The following ARHGAP22 variants were observed in gnomAD, a reference collection of about 807,000 sequenced individuals.
ARHGAP22 encodes the protein rho GTPase-activating protein 22.
Under a neutral mutation model 59.1 loss-of-function variants are expected in ARHGAP22, and 48 were observed. The ratio of observed to expected loss-of-function variants is 0.81; its 90% CI spans 0.64 to 1.03. The LOEUF (loss-of-function observed/expected upper bound fraction) is 1.03, where lower values mean the gene tolerates loss of function less well. Ranked by LOEUF, ARHGAP22 falls within the 50% of genes least tolerant of loss-of-function variation. The pLI is 0.00. For missense variants in ARHGAP22, 1,015 were observed against 958.7 expected (o/e 1.06, Z -0.78); for synonymous variants, 445 against 416.4 (o/e 1.07, Z -0.84).
rs769573589 is a variant in ARHGAP22, at chr10:48,640,479, G to T, written c.52+11755C>A. Reference sequence around the variant, plus strand: ...AAGAGAAAATCTTGAAGTAGCAAAAGAAAAATGTCTTGTCACATGAAAGGG... The same window carrying T: ...AAGAGAAAATCTTGAAGTAGCAAAATAAAAATGTCTTGTCACATGAAAGGG... On this transcript the variant is annotated intron_variant, in intron 1 of 9. Transcript: ENST00000435790. 5.3e-5 allele frequency among the ~76,000 whole-genome samples: 8 copies of T among 152,204 alleles called. No homozygotes were observed. In the East Asian group the frequency reaches 1.5e-3, roughly 29 times the overall value.
At chr10:48,554,398 A>G (rs555509754) in intron 3 of ARHGAP22, among the ~76,000 whole-genome samples, 1 of 152,312 alleles carries the variant, frequency 6.6e-6, no homozygotes, top group South Asian at 2.1e-4. Flanking sequence ...GACCAATCAT[A>G]GATTTACTGG....
chr10:48,643,837 A>C (rs1416777327), intron 1 of ARHGAP22, among the ~76,000 whole-genome samples: 1 of 151,874 alleles, frequency 6.6e-6, no homozygotes, highest in Non-Finnish European at 1.5e-5. Context: ...ATATATGATA[A>C]AATAGACATT....
intron 2 of ARHGAP22, 43 bp downstream of exon 2, chr10:48,582,910 C>A (rs1265145032): frequency 3.7e-6 from 6 of 1,604,032 alleles, no homozygotes; most frequent in Non-Finnish European, 4.3e-6. Context: ...TCTTGTGGAG[C>A]CCTGCCACGA....
intron 1 of ARHGAP22, among the ~76,000 whole-genome samples, chr10:48,628,364 G>C (rs1480714546): frequency 6.6e-6 from 1 of 152,246 alleles, no homozygotes; most frequent in Non-Finnish European, 1.5e-5. Flanking sequence ...AAGATGTCTT[G>C]ATAATTCTTA....
At chr10:48,498,990 C>T (rs1357804988) in intron 3 of ARHGAP22, among the ~76,000 whole-genome samples, 1 of 152,018 alleles carries the variant, frequency 6.6e-6, no homozygotes, top group African/African-American at 2.4e-5. Context: ...AAGGACTCCA[C>T]CAAGAGACCC....
At chr10:48,546,742 G>A (rs1296702792) in intron 3 of ARHGAP22, 2 of 153,206 alleles carry the variant, frequency 1.3e-5, no homozygotes, top group African/African-American at 2.4e-5. Flanking sequence ...AAGTGTCTCA[G>A]TCAGGGACAC....
chr10:48,562,791 A>G (rs1400154653), intron 2 of ARHGAP22, among the ~76,000 whole-genome samples: 2 of 152,238 alleles, frequency 1.3e-5, no homozygotes, highest in Non-Finnish European at 2.9e-5. Flanking sequence ...ATTGTATGTC[A>G]ATTATACCTC....
chr10:48,479,740 A>C lies in ARHGAP22; in HGVS notation c.347T>G (p.Val116Gly). 6.3e-7 allele frequency: 1 copy of C among 1,597,280 alleles called. No homozygotes were observed. Among genetic ancestry groups the C allele is most frequent in the Non-Finnish European group, 8.5e-7 (1 of 1,170,362 alleles). ...SPGGAGEREKVPANPEALLLM... is the reference protein window; with the variant it reads ...SPGGAGEREKGPANPEALLLM... ...CAGGAGCGCCTCGGGGTTGGCCGGC[A>C]CCTTCTCCCGCTCCCCGGCACCACC... Residue 116 changes from valine (V) to glycine (G), a missense_variant, in exon 4 of 10, where the codon GTG becomes GGG. Physicochemically the swap from Val to Gly is moderately radical, Grantham distance 109. Coordinates refer to ENST00000249601, the MANE Select transcript of ARHGAP22 (RefSeq NM_021226.4).
rs1454199009 is a variant in ARHGAP22, at chr10:48,625,058, GAGACC to G, written c.52+27171_52+27175del. 2.0e-5 allele frequency: 3 copies of G among 151,766 alleles called. No homozygotes were observed. In the East Asian group the frequency reaches 5.8e-4, roughly 30 times the overall value. 9.4% of individuals were successfully genotyped at this position (151,766 alleles called of 1,614,324 possible). On this transcript the variant is annotated intron_variant, in intron 1 of 9. Coordinates refer to the ARHGAP22 transcript ENST00000435790. The stretch of plus-strand genomic sequence containing the variant: ...GCAGTACTTAGATTTTGGGGCCCAA[GAGACC>G]TGAGTGTAAATCCTTCACTGCCAGT...
At chr10:48,517,607 T>G (rs1198438153) in intron 3 of ARHGAP22, among the ~76,000 whole-genome samples, 1 of 152,120 alleles carries the variant, frequency 6.6e-6, no homozygotes, top group African/African-American at 2.4e-5. Context: ...TTCCTCAGGA[T>G]TGGTTCCTCT....
In ARHGAP22 at chr10:48,502,248, G is replaced by T. The variant is rs1056383919; in HGVS notation, c.323-22484C>A. Among the ~76,000 whole-genome samples, 3 of 152,226 alleles carry T rather than the reference G, an allele frequency of 2.0e-5. No individual in the cohort carries two copies. The South Asian group carries it at 6.2e-4, about 32-fold the overall frequency. On this transcript the variant is annotated intron_variant, in intron 3 of 9. Coordinates refer to ENST00000249601, the MANE Select transcript of ARHGAP22 (RefSeq NM_021226.4). ...TTCTGGGGATGCTGGGGCTTTTAGG[G>T]GATCAGTGTGTGATCTTGCCCTGGG...
chr10:48,450,394 T>C lies in ARHGAP22; in HGVS notation c.1735A>G (p.Asn579Asp), dbSNP rs1015681995. The C allele has an allele frequency of 8.9e-6, 14 of 1,573,190 alleles. No individual in the cohort carries two copies. The highest frequency in any genetic ancestry group is 1.2e-5 in the Non-Finnish European group (14 of 1,160,084). Residue 579 changes from asparagine (N) to aspartate (D), a missense_variant, in exon 9 of 10, where the codon AAC becomes GAC. Transcript: ENST00000249601. ...SMDEAGAGAS[N>D]SEPSEPDSPT... ...CTGTCCGGCTCGCTGGGCTCGCTGT[T>C]GCTGGCACCCGCGCCCGCCTCGTCC... is the stretch of plus-strand genomic sequence containing the variant.
At chr10:48,637,737 C>T (rs541741586) in intron 1 of ARHGAP22, among the ~76,000 whole-genome samples, 31 of 152,046 alleles carry the variant, frequency 2.0e-4, no homozygotes, top group Non-Finnish European at 4.0e-4. Flanking sequence ...ATCAGTGAGA[C>T]GGGATGAAAA....
chr10:48,642,895 A>G (rs2062112827), intron 1 of ARHGAP22, among the ~76,000 whole-genome samples: 1 of 152,256 alleles, frequency 6.6e-6, no homozygotes, highest in African/African-American at 2.4e-5. Context: ...CTTACAAGAA[A>G]AAAACAAACA....
chr10:48,593,225 C>T (rs908903239), intron 1 of ARHGAP22, among the ~76,000 whole-genome samples: 11 of 152,230 alleles, frequency 7.2e-5, no homozygotes, highest in African/African-American at 2.7e-4. Flanking sequence ...ACTGCTTCCC[C>T]CACTGCTCCA....
Position 48,523,752 on chromosome 10 carries a change from C to G in ARHGAP22, c.322+31711G>C, listed in dbSNP as rs533192697. ...CTGCAGCCGGCGCCGCGGCCAGCCC[C>G]GGGCCCTGGAGGGCGGACCCTCCCC... On this transcript the variant is annotated intron_variant, in intron 3 of 9. Coordinates refer to ENST00000249601, the MANE Select transcript of ARHGAP22 (RefSeq NM_021226.4). Among the ~76,000 whole-genome samples the G allele has an allele frequency of 1.4e-4, 22 of 152,068 alleles. No individual in the cohort carries two copies. In the South Asian group the frequency reaches 3.5e-3, roughly 24 times the overall value.
At chr10:48,598,168 G>A (rs780097835) in intron 1 of ARHGAP22, among the ~76,000 whole-genome samples, 10 of 152,344 alleles carry the variant, frequency 6.6e-5, no homozygotes, top group Non-Finnish European at 1.3e-4. Context: ...AACATCTTCC[G>A]TGGGAAGAGA....
upstream of ARHGAP22, among the ~76,000 whole-genome samples, chr10:48,609,415 T>C (rs2135956155): frequency 6.6e-6 from 1 of 152,306 alleles, no homozygotes; most frequent in Admixed American, 6.5e-5. Flanking sequence ...TCATTTCCCT[T>C]TTCTGGTTGA....
intron 1 of ARHGAP22, among the ~76,000 whole-genome samples, chr10:48,645,506 A>T (rs2062254950): frequency 6.6e-6 from 1 of 152,188 alleles, no homozygotes; most frequent in African/African-American, 2.4e-5. Context: ...ACACATCTAT[A>T]TATTTTATTA....
Sources: allele counts gnomAD v4.1 joint callset (sites outside exome capture counted in the v4.1 genomes callset), GRCh38; gene constraint gnomAD v4.1.1; transcripts MANE v1.5; gene names NCBI Gene and HGNC (gene_info 2026-07-23, HGNC 2026-07-21).